ZFAND3: variants seen among roughly 807,000 people sequenced by gnomAD.
ZFAND3 encodes the protein zinc finger AN1-type containing 3, also known as AN1-type zinc finger protein 3.
A neutral mutation model predicts 29.6 loss-of-function variants in ZFAND3; 10 were observed. That is an observed-to-expected ratio of 0.34 (90% CI 0.21 to 0.57). The LOEUF (loss-of-function observed/expected upper bound fraction) is 0.57, where lower values mean the gene tolerates loss of function less well. Ranked by LOEUF, ZFAND3 falls within the 20% of genes least tolerant of loss-of-function variation. The pLI is 0.86. For synonymous variants in ZFAND3, 128 were observed against 112.6 expected, an observed-to-expected ratio of 1.14 and a Z score of -0.87; for missense variants, 230 against 304.5, an observed-to-expected ratio of 0.76 and a Z score of 1.82.
chr6:37,974,400 CTCTTTT>C (rs1561952594), intron 2 of ZFAND3, among the ~76,000 whole-genome samples: 1 of 99,798 alleles, frequency 1.0e-5, no homozygotes, highest in African/African-American at 4.0e-5. Context: ...CTCTCTCTCT[CTCTTTT>C]TTTTTTTTTT....
intron 2 of ZFAND3, among the ~76,000 whole-genome samples, chr6:37,946,546 T>C (rs1761905018): frequency 6.6e-6 from 1 of 152,200 alleles, no homozygotes; most frequent in Non-Finnish European, 1.5e-5. Flanking sequence ...TTCTCAATAG[T>C]TTAAAATTGT....
intron 1 of ZFAND3, among the ~76,000 whole-genome samples, chr6:37,834,664 T>C (rs1763930207): frequency 1.3e-5 from 2 of 151,340 alleles, no homozygotes; most frequent in African/African-American, 4.9e-5. Context: ...CATTTGGTGG[T>C]GTTGAATGCT....
At chr6:38,089,181 G>T (rs1312772496) in intron 4 of ZFAND3, among the ~76,000 whole-genome samples, 1 of 151,738 alleles carries the variant, frequency 6.6e-6, no homozygotes, top group African/African-American at 2.4e-5. Flanking sequence ...GTGGTACAGT[G>T]GTGCGATCTT....
chr6:38,131,244 CA>C (rs911171960), intron 5 of ZFAND3, among the ~76,000 whole-genome samples: 2 of 151,474 alleles, frequency 1.3e-5, no homozygotes, highest in African/African-American at 2.4e-5. Flanking sequence ...TTTATCTTTT[CA>C]AAAAAAACAG....
At chr6:38,053,943 T>A (rs1231929052) in intron 2 of ZFAND3, among the ~76,000 whole-genome samples, 1 of 152,144 alleles carries the variant, frequency 6.6e-6, no homozygotes, top group East Asian at 1.9e-4. Flanking sequence ...AGACAAGGTC[T>A]ATTTTTTTTT....
chr6:37,942,271 A>T (rs75373982), intron 2 of ZFAND3, among the ~76,000 whole-genome samples: 11,837 of 137,034 alleles, frequency 0.086, 677 homozygotes, highest in East Asian at 0.27. Context: ...ATATATATAT[A>T]TTTTTTTTTC....
chr6:38,085,313 C>T (rs1225523285), intron 4 of ZFAND3, among the ~76,000 whole-genome samples: 3 of 152,174 alleles, frequency 2.0e-5, no homozygotes, highest in African/African-American at 7.2e-5. Context: ...TTAGGAGACA[C>T]AGAGTGAGAC....
intron 1 of ZFAND3, among the ~76,000 whole-genome samples, chr6:37,822,354 A>G (rs1220716881): frequency 1.3e-5 from 2 of 152,166 alleles, no homozygotes; most frequent in Admixed American, 6.5e-5. Context: ...TTTTGGTGCA[A>G]TGTTTTAACC....
At chr6:37,945,046 G>A (rs1017686142) in intron 2 of ZFAND3, among the ~76,000 whole-genome samples, 2 of 152,146 alleles carry the variant, frequency 1.3e-5, no homozygotes, top group Admixed American at 6.5e-5. Flanking sequence ...GGGTGCTCCC[G>A]GAACTGTCTT....
chr6:38,154,373 TG>T lies in ZFAND3; in HGVS notation c.*1992del, dbSNP rs139728330. 1,309 of 371,254 alleles carry T rather than the reference TG, an allele frequency of 3.5e-3. 3 individuals are homozygous for T. The highest frequency in any genetic ancestry group is 0.019 in the South Asian group (188 of 9,984). The allele number at this position is 371,254 out of a possible 1,614,324, so 23.0% of individuals were successfully genotyped here. ...CCATGTTCGCTTCCTGACTTAGAGC[TG>T]GGGGGGGTGGGGGGTGGGGCTTGTT... On this transcript the variant is annotated 3_prime_UTR_variant, in exon 6 of 6. Transcript: ENST00000287218.
intron 2 of ZFAND3, among the ~76,000 whole-genome samples, chr6:37,969,299 G>C (rs1484051430): frequency 6.6e-6 from 1 of 152,184 alleles, no homozygotes; most frequent in East Asian, 1.9e-4. Flanking sequence ...ATCAAATACA[G>C]ATGCTTCTTG....
At chr6:38,115,293 G>A (rs905885207) in intron 4 of ZFAND3, among the ~76,000 whole-genome samples, 2 of 152,190 alleles carry the variant, frequency 1.3e-5, no homozygotes, top group African/African-American at 4.8e-5. Context: ...ACAATAAGGA[G>A]GCTAGTGTAG....
chr6:37,888,366 A>G (rs1765032780), intron 1 of ZFAND3, among the ~76,000 whole-genome samples: 1 of 152,228 alleles, frequency 6.6e-6, no homozygotes, highest in Non-Finnish European at 1.5e-5. Flanking sequence ...ATGAAGTCAG[A>G]TAATTTTCTA....
intron 2 of ZFAND3, among the ~76,000 whole-genome samples, chr6:38,011,977 T>C (rs1434185232): frequency 1.3e-5 from 2 of 152,216 alleles, no homozygotes; most frequent in African/African-American, 4.8e-5. Flanking sequence ...AAAAAGATAC[T>C]TAAAATTAGA....
intron 1 of ZFAND3, among the ~76,000 whole-genome samples, chr6:37,894,021 G>A (rs919703768): frequency 2.6e-5 from 4 of 152,198 alleles, no homozygotes; most frequent in East Asian, 1.9e-4. Context: ...TTGGGAGGCC[G>A]AGGTGAGTGG....
intron 1 of ZFAND3, among the ~76,000 whole-genome samples, chr6:37,864,397 ACATGTGTAGACAATTTCC>A (rs1226549276): frequency 6.6e-6 from 1 of 152,220 alleles, no homozygotes; most frequent in African/African-American, 2.4e-5. Flanking sequence ...TTCTACATGC[ACATGTGTAGACAATTTCC>A]CTTTATCTGT....
intron 2 of ZFAND3, among the ~76,000 whole-genome samples, chr6:37,978,252 A>C (rs1367708277): frequency 6.6e-6 from 1 of 152,150 alleles, no homozygotes; most frequent in Non-Finnish European, 1.5e-5. Context: ...AATTAATTAC[A>C]CTGGTTGGGT....
At chr6:38,006,639 G>A (rs373487062) in intron 2 of ZFAND3, among the ~76,000 whole-genome samples, 1 of 145,856 alleles carries the variant, frequency 6.9e-6, no homozygotes, top group African/African-American at 2.5e-5. Context: ...CTAAGCCTAC[G>A]GAGGTGAGGA....
intron 2 of ZFAND3, among the ~76,000 whole-genome samples, chr6:37,946,590 T>C (rs1442762100): frequency 6.6e-6 from 1 of 152,194 alleles, no homozygotes; most frequent in African/African-American, 2.4e-5. Flanking sequence ...GGTGTCCTGA[T>C]CAGGGTTGGG....
Sources: allele counts gnomAD v4.1 joint callset (sites outside exome capture counted in the v4.1 genomes callset), GRCh38; gene constraint gnomAD v4.1.1; transcripts MANE v1.5; gene names NCBI Gene and HGNC (gene_info 2026-07-23, HGNC 2026-07-21).